DNAJC6: variants seen among roughly 807,000 people sequenced by gnomAD.
DNAJC6 encodes the protein auxilin.
In DNAJC6, 34 loss-of-function variants were observed where a neutral mutation model predicts 110.0. The observed-to-expected ratio is 0.31, with a 90% CI of 0.24 to 0.41. DNAJC6 has a LOEUF of 0.41. Among genes scored for constraint, DNAJC6 ranks in the 10% least tolerant of loss-of-function variants. DNAJC6 has a pLI of 1.00. For synonymous variants in DNAJC6, 406 were observed against 437.2 expected, an observed-to-expected ratio of 0.93 and a Z score of 0.89; for missense variants, 1,031 against 1,207.8, an observed-to-expected ratio of 0.85 and a Z score of 2.17.
At position 65,398,797 on chromosome 1, in the gene DNAJC6, T is replaced by A; in HGVS notation, c.2039-16T>A. The A allele has an allele frequency of 1.2e-6, 2 of 1,613,908 alleles. No homozygotes were observed. The highest frequency in any genetic ancestry group is 1.7e-6 in the Non-Finnish European group (2 of 1,179,876). ...AGCTCTCTTGTTCTCATTCTTTTTC[T>A]TTTCCCCATTTGCAGCTTCTAGTAC... On this transcript the variant is annotated splice_polypyrimidine_tract_variant and intron_variant, in intron 13 of 18. Transcript: ENST00000371069.
chr1:65,268,684 T>C (rs1192192909), intron 1 of DNAJC6, among the ~76,000 whole-genome samples: 1 of 152,208 alleles, frequency 6.6e-6, no homozygotes, highest in African/African-American at 2.4e-5. Flanking sequence ...CTGTACTCTG[T>C]AAAATTACAG....
intron 1 of DNAJC6, among the ~76,000 whole-genome samples, chr1:65,343,245 G>T (rs771644716): frequency 2.6e-5 from 4 of 152,150 alleles, no homozygotes; most frequent in Non-Finnish European, 4.4e-5. Context: ...ATACTCATCT[G>T]TCAGTGTTGG....
At chr1:65,340,028 C>T (rs1645374575) in intron 1 of DNAJC6, among the ~76,000 whole-genome samples, 1 of 152,220 alleles carries the variant, frequency 6.6e-6, no homozygotes, top group Non-Finnish European at 1.5e-5. Context: ...GTCATGGGGT[C>T]ACCCAGAGTT....
chr1:65,288,477 T>C (rs1316623071), intron 1 of DNAJC6, among the ~76,000 whole-genome samples: 5 of 152,218 alleles, frequency 3.3e-5, no homozygotes, highest in African/African-American at 1.2e-4. Flanking sequence ...GGAGATGAAC[T>C]GCTAAACATC....
chr1:65,303,634 C>A (rs1645011059), intron 1 of DNAJC6, among the ~76,000 whole-genome samples: 1 of 152,036 alleles, frequency 6.6e-6, no homozygotes, highest in African/African-American at 2.4e-5. Flanking sequence ...TCTCGGCTCA[C>A]TGCAACCTCT....
At chr1:65,379,588 A>G (rs1358522028) in intron 5 of DNAJC6, 64 bp downstream of exon 5, 3 of 1,562,494 alleles carry the variant, frequency 1.9e-6, no homozygotes, top group East Asian at 4.6e-5. Context: ...GAGCCTGTAC[A>G]CAATGGTAGA....
rs2296478 is a variant in DNAJC6, at chr1:65,364,614, G to T, written c.194-21G>T. 0.53 allele frequency: 751,617 copies of T among 1,419,300 alleles called. 172,028 individuals are homozygous for T. The highest frequency in any genetic ancestry group is 0.57 in the African/African-American group (37,637 of 65,512). The allele number at this position is 1,419,300 out of a possible 1,614,324, so 87.9% of individuals were successfully genotyped here. A position where few individuals can be genotyped will look rare whatever the true frequency, so the allele number is the denominator to read the frequency against. ...CTGCCATCACCATTTTTGTTTGTTT[G>T]TTTTTTTTTTTTTTTGGCAGGTGCC... On this transcript the variant is annotated intron_variant, in intron 1 of 18. Transcript: ENST00000371069.
At chr1:65,329,584 A>G (rs1423903226) in intron 1 of DNAJC6, among the ~76,000 whole-genome samples, 3 of 152,088 alleles carry the variant, frequency 2.0e-5, no homozygotes, top group Non-Finnish European at 4.4e-5. Context: ...TTATTCCTGA[A>G]TAAGTTGTTC....
Position 65,366,150 on chromosome 1 carries a change from A to G in DNAJC6, c.497A>G (p.Tyr166Cys). The change falls in exon 4 of 19, where the codon TAC becomes TGC. Residue 166 changes from tyrosine to cysteine, a missense_variant. Tyr to Cys is a radical substitution (Grantham distance 194, BLOSUM62 -2). Transcript: ENST00000371069. ...DSRHLDHYTVYNLSPKSYRTA... is the reference protein window; with the variant it reads ...DSRHLDHYTVCNLSPKSYRTA... Reference sequence around the variant, plus strand: ...AGACATCTTGACCACTACACAGTATACAATCTGTCACCTAAGTCTTATCGA... The same window carrying G: ...AGACATCTTGACCACTACACAGTATGCAATCTGTCACCTAAGTCTTATCGA... 1 of 1,613,840 alleles carries G rather than the reference A, an allele frequency of 6.2e-7. No homozygotes were observed. The highest frequency in any genetic ancestry group is 8.5e-7 in the Non-Finnish European group (1 of 1,179,784).
At chr1:65,400,454 C>A (rs1015825785) in intron 14 of DNAJC6, among the ~76,000 whole-genome samples, 7 of 152,104 alleles carry the variant, frequency 4.6e-5, no homozygotes, top group Non-Finnish European at 1.0e-4. Flanking sequence ...AATAATATAT[C>A]CTTTAACCAA....
At chr1:65,307,000 CTCTCTCTCTCTCTCTCTCTATA>C (rs1484356034), upstream of DNAJC6, among the ~76,000 whole-genome samples, 2,749 of 115,638 alleles carry the variant, frequency 0.024, 81 homozygotes, top group East Asian at 0.096. Flanking sequence ...CTCTCTCTCT[CTCTCTCTCTCTCTCTCTCTATA>C]TATATATATA....
At position 65,309,743 on chromosome 1, in the gene DNAJC6, C is replaced by T; in HGVS notation, c.-3C>T. ...TTATTTTCTCTTTTCTCCGGGCTTG[C>T]CCATGAGCCTCCTCGGGAGCTACCG... On this transcript the variant is annotated 5_prime_UTR_variant, in exon 1 of 19. Coordinates refer to ENST00000371069, the MANE Select transcript of DNAJC6 (RefSeq NM_001256864.2). The T allele has an allele frequency of 1.3e-6, 2 of 1,545,908 alleles. No individual in the cohort carries two copies. The highest frequency in any genetic ancestry group is 1.7e-6 in the Non-Finnish European group (2 of 1,144,876).
At chr1:65,286,841 G>A (rs1332627712) in intron 1 of DNAJC6, among the ~76,000 whole-genome samples, 1 of 152,192 alleles carries the variant, frequency 6.6e-6, no homozygotes, top group African/African-American at 2.4e-5. Context: ...TGAGAGGTAT[G>A]TTCATTATAT....
rs546739003 is a variant in DNAJC6, at chr1:65,345,716, C to T, written c.194-18919C>T. 3.9e-5 allele frequency: 38 copies of T among 978,782 alleles called. 2 individuals carry two copies. The South Asian group carries it at 5.7e-4, about 15-fold the overall frequency. 60.6% of individuals were successfully genotyped at this position (978,782 alleles called of 1,614,324 possible). ...GAGGGTAGGAACCAACCTCCTACTACCCACCAGGTAAGGGTGTACTTTTGG... is the reference window on the plus strand; with the variant it reads ...GAGGGTAGGAACCAACCTCCTACTATCCACCAGGTAAGGGTGTACTTTTGG... On this transcript the variant is annotated intron_variant, in intron 1 of 18. Transcript: ENST00000371069.
chr1:65,378,394 C>T (rs556049456), intron 4 of DNAJC6, among the ~76,000 whole-genome samples: 5 of 152,236 alleles, frequency 3.3e-5, no homozygotes, highest in South Asian at 2.1e-4. Flanking sequence ...GGCAGTTACC[C>T]GATAAAATGA....
intron 4 of DNAJC6, among the ~76,000 whole-genome samples, chr1:65,373,746 G>A (rs899229720): frequency 2.0e-5 from 3 of 151,648 alleles, no homozygotes; most frequent in African/African-American, 2.4e-5. Flanking sequence ...TCTTCACTTC[G>A]TTGATTGTTT....
chr1:65,335,545 A>G (rs1055535720), intron 1 of DNAJC6, among the ~76,000 whole-genome samples: 1 of 152,354 alleles, frequency 6.6e-6, no homozygotes, highest in South Asian at 2.1e-4. Flanking sequence ...TCAGGAAAGC[A>G]TCTCTGAAAA....
upstream of DNAJC6, among the ~76,000 whole-genome samples, chr1:65,307,855 G>T (rs1645059380): frequency 6.6e-6 from 1 of 152,120 alleles, no homozygotes; most frequent in Admixed American, 6.5e-5. Context: ...CATTCAGATT[G>T]TTTGATCTTG....
At chr1:65,404,811 T>A (rs187169742) in intron 15 of DNAJC6, among the ~76,000 whole-genome samples, 40 of 152,298 alleles carry the variant, frequency 2.6e-4, no homozygotes, top group African/African-American at 8.9e-4. Context: ...ATGCACATAG[T>A]CTAATCCCAG....
Sources: gnomAD v4.1 joint callset for allele counts (sites outside exome capture counted in the v4.1 genomes callset) on GRCh38, gnomAD v4.1.1 for gene constraint, MANE v1.5 for transcripts, NCBI Gene and HGNC (gene_info 2026-07-23, HGNC 2026-07-21) for gene names.